Variants in MOCOS observed in about 807,000 individuals in gnomAD.
MOCOS encodes molybdenum cofactor sulfurase.
In MOCOS, 86 loss-of-function variants were observed where a neutral mutation model predicts 83.6. The observed-to-expected ratio is 1.03, with a 90% CI of 0.86 to 1.23. The LOEUF is 1.23. Among genes scored for constraint, MOCOS ranks in the 50% most tolerant of loss-of-function variants. MOCOS has a pLI of 0.00. For synonymous variants in MOCOS, 445 were observed against 434.7 expected (o/e 1.02, Z -0.29); for missense variants, 1,120 against 1,126.9 (o/e 0.99, Z 0.09).
At chr18:36,257,576 C>T (rs2091647603) in intron 12 of MOCOS, among the ~76,000 whole-genome samples, 1 of 152,202 alleles carries the variant, frequency 6.6e-6, no homozygotes. Context: ...CACTCCCACC[C>T]AGTGCTCTCC....
chr18:36,200,392 G>A, intron 4 of MOCOS, 68 bp downstream of exon 4: 1 of 1,585,096 alleles, frequency 6.3e-7, no homozygotes, highest in Non-Finnish European at 8.6e-7. Flanking sequence ...TTCTCCTGGA[G>A]GATTATGCAA....
Position 36,224,166 on chromosome 18 carries a change from AGTTT to A in MOCOS, c.1960+3950_1960+3953del, listed in dbSNP as rs752520761. ...TGCAACTTTACTGAATTCATTTATT[AGTTT>A]AACAGTTTTTTAAAATGGAGTATTT... On this transcript the variant is annotated intron_variant, in intron 9 of 14. Transcript: ENST00000261326. Among the ~76,000 whole-genome samples the A allele has an allele frequency of 7.2e-5, 11 of 152,290 alleles. No homozygotes were observed. In the East Asian group the frequency reaches 9.6e-4, roughly 13 times the overall value.
At chr18:36,200,412 CT>C (rs1412452830) in intron 4 of MOCOS, 88 bp downstream of exon 4, 10 of 1,533,362 alleles carry the variant, frequency 6.5e-6, no homozygotes, top group Non-Finnish European at 8.9e-6. Flanking sequence ...AGAGGTGGGT[CT>C]GGCTTTGAGG....
At position 36,205,070 on chromosome 18, in the gene MOCOS, A is replaced by G. The variant is rs778091960; in HGVS notation, c.1019-7A>G. 2 of 1,545,286 alleles carry G rather than the reference A, an allele frequency of 1.3e-6. No individual in the cohort carries two copies. Among genetic ancestry groups the G allele is most frequent in the East Asian group, 2.5e-5 (1 of 39,858 alleles). ...ATGATTCTCTTGTGTTTCATGATTG[A>G]TTTGAGGTGGAATGGAGAATATAAA... On this transcript the variant is annotated splice_polypyrimidine_tract_variant and splice_region_variant and intron_variant, in intron 5 of 14. Coordinates refer to ENST00000261326, the MANE Select transcript of MOCOS (RefSeq NM_017947.4).
intron 4 of MOCOS, among the ~76,000 whole-genome samples, chr18:36,201,114 G>A (rs551451504): frequency 1.3e-5 from 2 of 152,314 alleles, no homozygotes; most frequent in South Asian, 4.1e-4. Flanking sequence ...GGGGACACAG[G>A]GTTGGGTAGG....
intron 2 of MOCOS, among the ~76,000 whole-genome samples, chr18:36,196,403 G>A (rs1214382059): frequency 6.6e-6 from 1 of 152,184 alleles, no homozygotes; most frequent in Non-Finnish European, 1.5e-5. Context: ...GAGAGGGCAA[G>A]TAACTAGCCT....
At chr18:36,214,942 A>G (rs1350067826) in intron 7 of MOCOS, among the ~76,000 whole-genome samples, 2 of 152,170 alleles carry the variant, frequency 1.3e-5, no homozygotes, top group Admixed American at 6.5e-5. Flanking sequence ...GGGCTCGGAG[A>G]CTGAGATTCT....
rs623558 is a variant in MOCOS at position 36,200,057 on chromosome 18, A to T, written c.674A>T (p.His225Leu). The T allele has an allele frequency of 3.1e-6, 5 of 1,614,196 alleles. No homozygotes were observed. Among genetic ancestry groups the T allele is most frequent in the Non-Finnish European group, 4.2e-6 (5 of 1,180,044 alleles). The change falls in exon 4 of 15, where the codon CAC becomes CTC. Residue 225 changes from histidine (H) to leucine (L), a missense_variant. His to Leu is a moderately conservative substitution (Grantham distance 99). Coordinates refer to ENST00000261326, the MANE Select transcript of MOCOS (RefSeq NM_017947.4). Reference sequence around the variant, plus strand: ...GAAGAGGTCAAGTCTGGGCGGTTGCACCCTGTGAGCACGCCTGGGAAGTGG... The same window carrying T: ...GAAGAGGTCAAGTCTGGGCGGTTGCTCCCTGTGAGCACGCCTGGGAAGTGG... ...WIEEVKSGRL[H>L]PVSTPGKWFV...
rs544504 is a variant in MOCOS at position 36,254,516 on chromosome 18, C to T, written c.2165-2452C>T. 2.2e-4 allele frequency among the ~76,000 whole-genome samples: 27 copies of T among 121,380 alleles called. No homozygotes were observed. The East Asian group carries it at 5.3e-3, about 24-fold the overall frequency. The allele number at this position is 121,380 out of a possible 152,430, so 79.6% of individuals were successfully genotyped here. On this transcript the variant is annotated intron_variant, in intron 11 of 14. Coordinates refer to ENST00000261326, the MANE Select transcript of MOCOS (RefSeq NM_017947.4). ...TGTGTGTGTATAGAGAGAGAGAGAG[C>T]GAGAGGGAGAGAGAGAGAGAACAAA... is the stretch of plus-strand genomic sequence containing the variant.
chr18:36,249,151 C>G, intron 10 of MOCOS, 151 bp downstream of exon 10: 1 of 746,374 alleles, frequency 1.3e-6, no homozygotes, highest in South Asian at 1.5e-5. Context: ...TAACCACACT[C>G]TTGGCTCTTT....
chr18:36,234,245 C>A (rs966314378), intron 9 of MOCOS, among the ~76,000 whole-genome samples: 2 of 152,174 alleles, frequency 1.3e-5, no homozygotes, highest in Non-Finnish European at 2.9e-5. Context: ...CATGTTTTTA[C>A]ATGTGGCTGG....
At chr18:36,204,616 G>T (rs1375974052) in intron 5 of MOCOS, among the ~76,000 whole-genome samples, 1 of 152,166 alleles carries the variant, frequency 6.6e-6, no homozygotes, top group East Asian at 1.9e-4. Flanking sequence ...CACAAGGGCA[G>T]TACCATCCAC....
At chr18:36,197,623 A>G (rs1399308349) in intron 2 of MOCOS, among the ~76,000 whole-genome samples, 1 of 152,108 alleles carries the variant, frequency 6.6e-6, no homozygotes. Context: ...ATTTTAAAAA[A>G]TCAGCCAGGT....
chr18:36,242,186 C>A (rs1457891156), intron 9 of MOCOS, among the ~76,000 whole-genome samples: 2 of 152,182 alleles, frequency 1.3e-5, no homozygotes, highest in Non-Finnish European at 2.9e-5. Context: ...CTACCCTCCC[C>A]TTTTAAATAT....
chr18:36,271,522 T>C lies in MOCOS; in HGVS notation c.*2837T>C, dbSNP rs2091699090. 6.6e-6 allele frequency: 1 copy of C among 152,124 alleles called. No homozygotes were observed. Among genetic ancestry groups the C allele is most frequent in the African/African-American group, 2.4e-5 (1 of 41,426 alleles). The allele number at this position is 152,124 out of a possible 1,614,324, so 9.4% of individuals were successfully genotyped here. A position where few individuals can be genotyped will look rare whatever the true frequency, so the allele number is the denominator to read the frequency against. ...TTATGATTTTATGTCCCCTCCTTGG[T>C]TCTTATCTCCTGGAGTTCAGCCTTA... is the stretch of plus-strand genomic sequence containing the variant. On this transcript the variant is annotated 3_prime_UTR_variant, in exon 15 of 15. Coordinates refer to ENST00000261326, the MANE Select transcript of MOCOS (RefSeq NM_017947.4).
At chr18:36,192,740 C>T (rs986170379) in intron 1 of MOCOS, among the ~76,000 whole-genome samples, 1 of 152,098 alleles carries the variant, frequency 6.6e-6, no homozygotes, top group Non-Finnish European at 1.5e-5. Context: ...CTCCACCTCC[C>T]AGGCTCAAGT....
At chr18:36,268,493 A>G (rs144297193) in intron 14 of MOCOS, 40 bp from the exon 15 acceptor site, 1 of 1,613,810 alleles carries the variant, frequency 6.2e-7, no homozygotes, top group Non-Finnish European at 8.5e-7. Context: ...TTGCTAAAAT[A>G]ATCTAGCCTT....
In MOCOS at chr18:36,220,049, G is replaced by T; in HGVS notation, c.1798-6G>T. 6.2e-7 allele frequency: 1 copy of T among 1,612,616 alleles called. No individual in the cohort carries two copies. Among genetic ancestry groups the T allele is most frequent in the Non-Finnish European group, 8.5e-7 (1 of 1,179,996 alleles). Reference sequence around the variant, plus strand: ...TGGCCTGAGACACGTCTACCTTTTTGTTTAGGTGACCAGGTGGCCTGTAGG... The same window carrying T: ...TGGCCTGAGACACGTCTACCTTTTTTTTTAGGTGACCAGGTGGCCTGTAGG... On this transcript the variant is annotated splice_polypyrimidine_tract_variant and splice_region_variant and intron_variant, in intron 8 of 14. Transcript: ENST00000261326.
intron 13 of MOCOS, 131 bp downstream of exon 13, chr18:36,260,306 G>T: frequency 8.2e-7 from 1 of 1,217,124 alleles, no homozygotes; most frequent in Admixed American, 1.8e-5. Flanking sequence ...ATCTTGGTGG[G>T]AGGTTATGTA....
Sources: allele counts gnomAD v4.1 joint callset (sites outside exome capture counted in the v4.1 genomes callset), GRCh38; gene constraint gnomAD v4.1.1; transcripts MANE v1.5; gene names NCBI Gene and HGNC (gene_info 2026-07-23, HGNC 2026-07-21).